CABP4: variants seen among roughly 807,000 people sequenced by gnomAD.
CABP4 encodes the protein calcium binding protein 4.
A neutral mutation model predicts 30.7 loss-of-function variants in CABP4; 30 were observed. The ratio of observed to expected loss-of-function variants is 0.98; its 90% confidence interval spans 0.73 to 1.33. The LOEUF is 1.33. Among genes scored for constraint, CABP4 ranks in the 40% most tolerant of loss-of-function variants. The pLI is 0.00. For missense variants in CABP4, 424 were observed against 395.5 expected (o/e 1.07, Z -0.61); for synonymous variants, 161 against 159.2 (o/e 1.01, Z -0.08).
At chr11:67,452,807 C>T (rs960925188), upstream of CABP4, 56 of 1,104,286 alleles carry the variant, frequency 5.1e-5, no homozygotes, top group South Asian at 1.6e-4. Flanking sequence ...ATGGGAGAGA[C>T]GGTGCTGTGC....
At chr11:67,455,260 T>A (rs1864719995), upstream of CABP4, 14 of 949,782 alleles carry the variant, frequency 1.5e-5, no homozygotes, top group Non-Finnish European at 2.0e-5. Context: ...GGCAGAGGAC[T>A]GGGATTAGGG....
At chr11:67,457,511 G>A (rs1279049880) in intron 3 of CABP4, 62 bp from the exon 4 acceptor site, 7 of 1,415,804 alleles carry the variant, frequency 4.9e-6, no homozygotes, top group East Asian at 2.5e-5. Flanking sequence ...CCTGTGGGAT[G>A]TCCCTCCTTG....
chr11:67,459,739 T>C lies in CABP4; in HGVS notation c.*1080T>C, dbSNP rs926096677. 18 of 151,978 alleles carry C rather than the reference T, an allele frequency of 1.2e-4. No individual in the cohort carries two copies. The highest frequency in any genetic ancestry group is 4.4e-4 in the African/African-American group (18 of 41,350). The allele number at this position is 151,978 out of a possible 1,614,324, so 9.4% of individuals were successfully genotyped here. A position where few individuals can be genotyped will look rare whatever the true frequency, so the allele number is the denominator to read the frequency against. On this transcript the variant is annotated 3_prime_UTR_variant, in exon 6 of 6. Transcript: ENST00000325656. Reference sequence around the variant, plus strand: ...GCTGAGGCGGGTGAATTACCTGAGGTCAGGAGTTTGAGGCCAGCCTGACCA... The same window carrying C: ...GCTGAGGCGGGTGAATTACCTGAGGCCAGGAGTTTGAGGCCAGCCTGACCA...
chr11:67,458,632 G>A lies in CABP4; in HGVS notation c.801G>A (p.Glu267=), dbSNP rs1226636100. 2.5e-6 allele frequency: 4 copies of A among 1,613,938 alleles called. No homozygotes were observed. The highest frequency in any genetic ancestry group is 3.3e-5 in the Admixed American group (2 of 59,996). ...LNGDGTVDFD[E]FVMMLSRH is the part of the protein sequence containing the mutation. ...AAGCCCTGCCCTTCTCTCCCGCAGA[G>A]TTTGTGATGATGCTCTCCCGCCACT... The change falls in exon 6 of 6, where the codon GAG becomes GAA. Residue 267 remains glutamate (E), a splice_region_variant and synonymous_variant. Transcript: ENST00000325656.
At chr11:67,454,393 T>C (rs1638562), upstream of CABP4, among the ~76,000 whole-genome samples, 17,448 of 152,112 alleles carry the variant, frequency 0.11, 3,278 homozygotes, top group African/African-American at 0.39. Flanking sequence ...TCAGGGTTCC[T>C]CCTCAGGCTG....
At chr11:67,457,789 T>A in intron 4 of CABP4, 107 bp downstream of exon 4, 1 of 898,782 alleles carries the variant, frequency 1.1e-6, no homozygotes, top group Non-Finnish European at 1.7e-6. Context: ...CTGCAGGCGG[T>A]GGGACTGGGG....
Position 67,455,530 on chromosome 11 carries a change from CGTTGACCAGGAAGAGGAGCAAGAA to C in CABP4, c.109_132del (p.Leu37_Lys44del). On this transcript the variant is annotated inframe_deletion, in exon 1 of 6. Transcript: ENST00000325656. ...CCCAAGAGTGATGCAGAGGAGCCCC[CGTTGACCAGGAAGAGGAGCAAGAA>C]GGAGAGGGGGCTCCGAGGGTCTCGA... 6.2e-7 allele frequency: 1 copy of C among 1,603,206 alleles called. No individual in the cohort carries two copies. The highest frequency in any genetic ancestry group is 2.2e-5 in the East Asian group (1 of 44,590).
At position 67,457,651 on chromosome 11, in the gene CABP4, G is replaced by A. The variant is rs1193858708; in HGVS notation, c.620G>A (p.Gly207Glu). Residue 207 changes from glycine to glutamate, a missense_variant, in exon 4 of 6, where the codon GGG becomes GAG. Transcript: ENST00000325656. ...KLREETAHML[G>E]VRELRIAFRE... ...AGGGAGGAGACGGCGCACATGCTGG[G>A]GGTGCGAGAGCTGCGCATCGCCTTC... The A allele has an allele frequency of 1.2e-6, 2 of 1,602,170 alleles. No individual in the cohort carries two copies. Among genetic ancestry groups the A allele is most frequent in the Non-Finnish European group, 1.7e-6 (2 of 1,174,678 alleles).
rs773598642 is a variant in CABP4 at position 67,455,470 on chromosome 11, T to C, written c.47T>C (p.Ile16Thr). 3.2e-5 allele frequency: 51 copies of C among 1,611,310 alleles called. No individual in the cohort carries two copies. The highest frequency in any genetic ancestry group is 1.1e-4 in the South Asian group (10 of 90,682). Residue 16 changes from isoleucine (I) to threonine (T), a missense_variant, in exon 1 of 6, where the codon ATT becomes ACT. By Grantham distance (89) the Ile-to-Thr change is moderately conservative. Coordinates refer to ENST00000325656, the MANE Select transcript of CABP4 (RefSeq NM_145200.5). ...GGGCAGCAGGGCCCAAATCTGGCCA[T>C]TGGCCGTCAGAAGCCCCCTGCGGGG... ...ARGQQGPNLAIGRQKPPAGVV... is the reference protein window; with the variant it reads ...ARGQQGPNLATGRQKPPAGVV...
upstream of CABP4, among the ~76,000 whole-genome samples, chr11:67,454,377 G>GT (rs1864680626): frequency 1.3e-5 from 2 of 152,080 alleles, no homozygotes; most frequent in South Asian, 4.1e-4. Context: ...GGTGCCCTCC[G>GT]TACCCTCAGG....
In CABP4 at chr11:67,458,865, T is replaced by C. The variant is rs1031729385; in HGVS notation, c.*206T>C. ...CTTACCTCCTCCTACTCAAGCTGCC[T>C]GGAGAAGACCTGCTCTCAGCTGCCC... On this transcript the variant is annotated 3_prime_UTR_variant, in exon 6 of 6. Coordinates refer to ENST00000325656, the MANE Select transcript of CABP4 (RefSeq NM_145200.5). 1.6e-4 allele frequency: 102 copies of C among 654,122 alleles called. No individual in the cohort carries two copies. In the Admixed American group the frequency reaches 2.2e-3, roughly 14 times the overall value. The allele number at this position is 654,122 out of a possible 1,614,324, so 40.5% of individuals were successfully genotyped here.
chr11:67,455,992 C>T, intron 1 of CABP4, 196 bp from the exon 2 acceptor site: 1 of 1,202,278 alleles, frequency 8.3e-7, no homozygotes, highest in Non-Finnish European at 1.2e-6. Context: ...GAATTCACAC[C>T]AGGGCTCTGT....
At position 67,458,505 on chromosome 11, in the gene CABP4, C is replaced by T. The variant is rs766813109; in HGVS notation, c.786C>T (p.Thr262=). 22 of 1,613,916 alleles carry T rather than the reference C, an allele frequency of 1.4e-5. No homozygotes were observed. In the East Asian group the frequency reaches 3.6e-4, roughly 26 times the overall value. ...LREVDLNGDG[T]VDFDEFVMML... ...AAGTGGACCTCAATGGGGATGGCACCGTAGACTTTGACGGTGAGTCTCCTT... is the reference window on the plus strand; with the variant it reads ...AAGTGGACCTCAATGGGGATGGCACTGTAGACTTTGACGGTGAGTCTCCTT... Residue 262 remains threonine, a synonymous_variant, in exon 5 of 6, where the codon ACC becomes ACT. Transcript: ENST00000325656.
chr11:67,455,623 C>T lies in CABP4; in HGVS notation c.200C>T (p.Pro67Leu), dbSNP rs752839228. The change falls in exon 1 of 6, where the codon CCG becomes CTG. Residue 67 changes from proline (P) to leucine (L), a missense_variant. Physicochemically the swap from Pro to Leu is moderately conservative, Grantham distance 98. Transcript: ENST00000325656. Reference sequence around the variant, plus strand: ...GGGGAGCAGACAGGCCCCGAGGCCCCGGGGAGCAGCAATAACCCTCCCAGC... The same window carrying T: ...GGGGAGCAGACAGGCCCCGAGGCCCTGGGGAGCAGCAATAACCCTCCCAGC... ...SSGEQTGPEA[P>L]GSSNNPPSTG... 34 of 1,608,104 alleles carry T rather than the reference C, an allele frequency of 2.1e-5. No homozygotes were observed. Among genetic ancestry groups the T allele is most frequent in the South Asian group, 1.4e-4 (13 of 90,246 alleles).
rs774175876 is a variant in CABP4 at position 67,457,665 on chromosome 11, C to T, written c.634C>T (p.Arg212Cys). 1.2e-5 allele frequency: 19 copies of T among 1,594,292 alleles called. No homozygotes were observed. Among genetic ancestry groups the T allele is most frequent in the East Asian group, 4.5e-5 (2 of 44,120 alleles). ...TAHMLGVREL[R>C]IAFREFDRDR... is the part of the protein sequence containing the mutation. ...GCACATGCTGGGGGTGCGAGAGCTG[C>T]GCATCGCCTTCCGAGAGGTGCGGAG... is the stretch of plus-strand genomic sequence containing the variant. The change falls in exon 4 of 6, where the codon CGC becomes TGC. Residue 212 changes from arginine (R) to cysteine (C), a missense_variant. By Grantham distance (180) the Arg-to-Cys change is radical (BLOSUM62 -3). Coordinates refer to ENST00000325656, the MANE Select transcript of CABP4 (RefSeq NM_145200.5).
upstream of CABP4, chr11:67,452,404 G>A (rs1217095593): frequency 1.2e-6 from 2 of 1,612,900 alleles, no homozygotes; most frequent in East Asian, 2.2e-5. Flanking sequence ...ATAGGAAGTA[G>A]TAGAAGCGGC....
rs1395297508 is a variant in CABP4, at chr11:67,461,017, C to A, written c.*2358C>A. ...AAAAAAAAAAAAGGTCACTGGAAGA[C>A]TGGGTGTGGTGGCTTATGCCTGTAA... On this transcript the variant is annotated 3_prime_UTR_variant, in exon 6 of 6. Coordinates refer to ENST00000325656, the MANE Select transcript of CABP4 (RefSeq NM_145200.5). Among the ~76,000 whole-genome samples, 1 of 149,892 alleles carries A rather than the reference C, an allele frequency of 6.7e-6. No individual in the cohort carries two copies. The highest frequency in any genetic ancestry group is 1.5e-5 in the Non-Finnish European group (1 of 67,712).
intron 3 of CABP4, 90 bp from the exon 4 acceptor site, chr11:67,457,483 G>C: frequency 9.2e-7 from 1 of 1,092,842 alleles, no homozygotes; most frequent in Non-Finnish European, 1.4e-6. Context: ...TGCAGAGCCT[G>C]GGGGTGGGGG....
In CABP4 at chr11:67,455,932, G is replaced by A. The variant is rs755439440; in HGVS notation, c.366+143G>A. 3.0e-5 allele frequency: 39 copies of A among 1,312,520 alleles called. 1 individual carries two copies. The Middle Eastern group carries it at 7.3e-4, about 25-fold the overall frequency. 81.3% of individuals were successfully genotyped at this position (1,312,520 alleles called of 1,614,324 possible). A position where few individuals can be genotyped will look rare whatever the true frequency, so the allele number is the denominator to read the frequency against. ...CTGGGCTGTGGGGCAGGGTTGCTGC[G>A]GTTTGGGGAAGGGTAGGTCTCGGGC... On this transcript the variant is annotated intron_variant, in intron 1 of 5. Coordinates refer to ENST00000325656, the MANE Select transcript of CABP4 (RefSeq NM_145200.5).
Sources: allele counts gnomAD v4.1 joint callset (sites outside exome capture counted in the v4.1 genomes callset), GRCh38; gene constraint gnomAD v4.1.1; transcripts MANE v1.5; gene names NCBI Gene and HGNC (gene_info 2026-07-23, HGNC 2026-07-21).